Variants in DNAH8 observed in about 807,000 individuals in gnomAD.
The protein encoded by DNAH8 is axonemal beta dynein heavy chain 8.
DNAH8 carries 382 observed loss-of-function variants against 562.1 expected under a neutral mutation model. The ratio of observed to expected loss-of-function variants is 0.68; its 90% CI spans 0.63 to 0.74. The LOEUF is 0.74. DNAH8 is among the 30% of genes least tolerant of loss of function. DNAH8 has a pLI of 0.00. For missense variants in DNAH8, 5,203 were observed against 5,620.4 expected (o/e 0.93, Z 2.37); for synonymous variants, 1,881 against 1,919.4 (o/e 0.98, Z 0.52).
At chr6:38,980,438 C>T (rs975961126) in intron 85 of DNAH8, among the ~76,000 whole-genome samples, 13 of 152,322 alleles carry the variant, frequency 8.5e-5, no homozygotes, top group Non-Finnish European at 1.3e-4. Context: ...ACAGTCTCTC[C>T]TCCCTTCCAG....
intron 30 of DNAH8, among the ~76,000 whole-genome samples, chr6:38,828,647 G>C (rs1406587489): frequency 1.3e-5 from 2 of 152,080 alleles, no homozygotes; most frequent in African/African-American, 4.8e-5. Flanking sequence ...ATGTTCACAC[G>C]ACAAAATCAC....
rs199746766 is a variant in DNAH8 at position 38,908,023 on chromosome 6, G to A, written c.9416G>A (p.Arg3139Lys). 1 of 1,612,768 alleles carries A rather than the reference G, an allele frequency of 6.2e-7. No homozygotes were observed. The highest frequency in any genetic ancestry group is 1.3e-5 in the African/African-American group (1 of 74,968). Reference sequence around the variant, plus strand: ...CAAGGTCTGATTTCAGTGATGAAGAGGGAGCTACCTCGCCATCCTCCTACC... The same window carrying A: ...CAAGGTCTGATTTCAGTGATGAAGAAGGAGCTACCTCGCCATCCTCCTACC... ...ITQGLISVMK[R>K]ELPRHPPTFD... The change falls in exon 64 of 93, where the codon AGG (arginine) becomes AAG (lysine). Residue 3139 changes from arginine to lysine, a missense_variant. By Grantham distance (26) the Arg-to-Lys change is conservative. Around this residue, in one of 6 missense-constraint regions of DNAH8, gnomAD observed 977 missense variants for 1,061.8 expected, o/e 0.92. Coordinates refer to ENST00000327475, the MANE Select transcript of DNAH8 (RefSeq NM_001206927.2).
intron 9 of DNAH8, among the ~76,000 whole-genome samples, chr6:38,751,560 C>T (rs1765453676): frequency 6.6e-6 from 1 of 152,146 alleles, no homozygotes; most frequent in African/African-American, 2.4e-5. Context: ...CAGCATCACT[C>T]AGCTAATCAG....
intron 77 of DNAH8, among the ~76,000 whole-genome samples, chr6:38,937,435 T>C (rs1783064485): frequency 6.6e-6 from 1 of 152,124 alleles, no homozygotes; most frequent in South Asian, 2.1e-4. Context: ...CTATACCCAA[T>C]TTGCTCTTGT....
At chr6:38,736,145 T>A (rs1314675012) in intron 5 of DNAH8, among the ~76,000 whole-genome samples, 1 of 151,930 alleles carries the variant, frequency 6.6e-6, no homozygotes, top group East Asian at 1.9e-4. Context: ...AAAAAAGACA[T>A]TTTCTGTGGA....
intron 8 of DNAH8, among the ~76,000 whole-genome samples, chr6:38,745,578 A>T (rs1042946396): frequency 2.3e-4 from 35 of 152,224 alleles, no homozygotes; most frequent in African/African-American, 8.0e-4. Context: ...AAGGGGTAAC[A>T]TTAGTACGAT....
chr6:38,734,335 C>CCAAA, intron 4 of DNAH8, 139 bp from the exon 5 acceptor site: 1 of 557,574 alleles, frequency 1.8e-6, no homozygotes, highest in Non-Finnish European at 2.6e-6. Context: ...GACCCCCCCC[C>CCAAA]AAAAAAATTA....
intron 46 of DNAH8, 35 bp from the exon 47 acceptor site, chr6:38,866,734 T>G: frequency 6.3e-7 from 1 of 1,595,286 alleles, no homozygotes; most frequent in Middle Eastern, 1.7e-4. Flanking sequence ...TGTTTTTCAC[T>G]AAAGTTGAAA....
At chr6:38,975,749 G>A (rs191956876) in intron 85 of DNAH8, among the ~76,000 whole-genome samples, 7 of 152,258 alleles carry the variant, frequency 4.6e-5, no homozygotes, top group African/African-American at 1.2e-4. Context: ...GGAATTGTTC[G>A]CTTTGCTAGA....
At chr6:38,794,226 T>C (rs1770020438) in intron 21 of DNAH8, among the ~76,000 whole-genome samples, 1 of 152,166 alleles carries the variant, frequency 6.6e-6, no homozygotes, top group African/African-American at 2.4e-5. Context: ...GGCCTAGCCC[T>C]TGATTTACCT....
rs370983329 is a variant in DNAH8 at position 39,008,490 on chromosome 6, G to A, written c.13215-324G>A. ...GGGGAGAGTGAAAGGAGGTGTGCCCGCTGTTCAGCATGAGGTGGTCAGGTT... is the reference window on the plus strand; with the variant it reads ...GGGGAGAGTGAAAGGAGGTGTGCCCACTGTTCAGCATGAGGTGGTCAGGTT... On this transcript the variant is annotated intron_variant, in intron 88 of 92. Transcript: ENST00000327475. 4.6e-5 allele frequency among the ~76,000 whole-genome samples: 7 copies of A among 152,136 alleles called. No individual in the cohort carries two copies. The East Asian group carries it at 9.7e-4, about 21-fold the overall frequency.
rs777354870 is a variant in DNAH8, at chr6:38,790,821, TA to T, written c.2781+430del. Among the ~76,000 whole-genome samples, 339 of 137,150 alleles carry T rather than the reference TA, an allele frequency of 2.5e-3. 2 individuals carry two copies. Among genetic ancestry groups the T allele is most frequent in the South Asian group, 3.0e-3 (13 of 4,346 alleles). 90.0% of individuals were successfully genotyped at this position (137,150 alleles called of 152,430 possible). A position where few individuals can be genotyped will look rare whatever the true frequency, so the allele number is the denominator to read the frequency against. On this transcript the variant is annotated intron_variant, in intron 20 of 92. Coordinates refer to ENST00000327475, the MANE Select transcript of DNAH8 (RefSeq NM_001206927.2). Reference sequence around the variant, plus strand: ...CTGGGCGACAGGGCAAGACTCCGTCTAAAAAAAAAAAAAACAAAACAAAAAA... The same window carrying T: ...CTGGGCGACAGGGCAAGACTCCGTCTAAAAAAAAAAAAACAAAACAAAAAA...
Position 38,974,506 on chromosome 6 carries a change from G to A in DNAH8, c.12811G>A (p.Ala4271Thr). ...GTGGAAGCCGATGCTTTACACAGTA[G>A]CATTTTTACACTCCACTGTGCAGGT... ...PMWKPMLYTV[A>T]FLHSTVQERR... is the part of the protein sequence containing the mutation. The change falls in exon 85 of 93, where the codon GCA becomes ACA. Residue 4271 changes from alanine (A) to threonine (T), a missense_variant. Physicochemically the swap from Ala to Thr is moderately conservative, Grantham distance 58. Coordinates refer to ENST00000327475, the MANE Select transcript of DNAH8 (RefSeq NM_001206927.2). 8.7e-6 allele frequency: 14 copies of A among 1,613,842 alleles called. No individual in the cohort carries two copies. The highest frequency in any genetic ancestry group is 4.5e-5 in the East Asian group (2 of 44,884).
intron 30 of DNAH8, 37 bp from the exon 31 acceptor site, chr6:38,832,285 C>G (rs765730946): frequency 2.5e-5 from 33 of 1,324,420 alleles, no homozygotes; most frequent in Non-Finnish European, 3.4e-5. Flanking sequence ...TAATATGTTA[C>G]TTTCACTCTC....
At chr6:38,966,213 G>A (rs1322382508) in intron 82 of DNAH8, among the ~76,000 whole-genome samples, 3 of 152,056 alleles carry the variant, frequency 2.0e-5, no homozygotes, top group Admixed American at 6.5e-5. Flanking sequence ...GGAATACTGT[G>A]AACAATTATG....
chr6:39,010,338 G>A (rs978563712), intron 89 of DNAH8, among the ~76,000 whole-genome samples: 1 of 152,100 alleles, frequency 6.6e-6, no homozygotes, highest in South Asian at 2.1e-4. Context: ...ATTGAGTTCT[G>A]TAGTAAAAAT....
At chr6:38,994,499 C>CCT (rs1765000587) in intron 88 of DNAH8, among the ~76,000 whole-genome samples, 1 of 78,960 alleles carries the variant, frequency 1.3e-5, no homozygotes, top group Admixed American at 1.5e-4. Context: ...GAATCATCTA[C>CCT]ATTTTTTTTT....
At chr6:38,959,823 TA>T (rs1243091788) in intron 82 of DNAH8, among the ~76,000 whole-genome samples, 8 of 147,690 alleles carry the variant, frequency 5.4e-5, no homozygotes, top group Admixed American at 1.4e-4. Flanking sequence ...TCTTGAGCAT[TA>T]AAAAAAAAAG....
chr6:38,786,681 C>T lies in DNAH8; in HGVS notation c.2396-84C>T, dbSNP rs924530955. 3 of 1,395,230 alleles carry T rather than the reference C, an allele frequency of 2.2e-6. No individual in the cohort carries two copies. In the African/African-American group the frequency reaches 4.4e-5, roughly 20 times the overall value. 86.4% of individuals were successfully genotyped at this position (1,395,230 alleles called of 1,614,324 possible). A position where few individuals can be genotyped will look rare whatever the true frequency, so the allele number is the denominator to read the frequency against. On this transcript the variant is annotated intron_variant, in intron 17 of 92. Coordinates refer to ENST00000327475, the MANE Select transcript of DNAH8 (RefSeq NM_001206927.2). The stretch of plus-strand genomic sequence containing the variant: ...CTTTGCCCTCAAGAAGTTAGTAATC[C>T]AGGGGGCAAGACAGAAATATAAACA...
Sources: allele counts gnomAD v4.1 joint callset (sites outside exome capture counted in the v4.1 genomes callset), GRCh38; gene constraint gnomAD v4.1.1; regional missense constraint gnomAD v4.1.1; transcripts MANE v1.5; gene names NCBI Gene and HGNC (gene_info 2026-07-23, HGNC 2026-07-21).